Variants in SUPT3H observed in about 807,000 individuals in gnomAD.
SUPT3H encodes the protein transcription initiation protein SPT3 homolog.
In SUPT3H, 44 loss-of-function variants were observed where a neutral mutation model predicts 44.3. The observed-to-expected ratio is 0.99, with a 90% CI of 0.78 to 1.28. SUPT3H has a LOEUF of 1.28. SUPT3H is among the 50% of genes most tolerant of loss of function. The pLI, the probability that SUPT3H is intolerant of heterozygous loss-of-function variation, is 0.00. For missense variants in SUPT3H, 380 were observed against 387.1 expected (o/e 0.98, Z 0.15); for synonymous variants, 124 against 125.6 (o/e 0.99, Z 0.09).
chr6:44,984,683 A>T (rs1779537190), intron 6 of SUPT3H, among the ~76,000 whole-genome samples: 1 of 152,160 alleles, frequency 6.6e-6, no homozygotes, highest in African/African-American at 2.4e-5. Flanking sequence ...ACTTTGCTTC[A>T]GCATCCTGAC....
chr6:45,018,255 A>G (rs1171923054), intron 4 of SUPT3H, among the ~76,000 whole-genome samples: 3 of 152,242 alleles, frequency 2.0e-5, no homozygotes, highest in African/African-American at 4.8e-5. Context: ...GGCTGAGACG[A>G]TGGGGTTTTC....
At chr6:45,065,791 C>T (rs1048799998) in intron 3 of SUPT3H, among the ~76,000 whole-genome samples, 1 of 151,746 alleles carries the variant, frequency 6.6e-6, no homozygotes, top group Admixed American at 6.6e-5. Flanking sequence ...AGACCAATAA[C>T]AGGAGCTGAA....
chr6:45,014,935 T>C (rs1450107007), intron 4 of SUPT3H, 44 bp from the exon 5 acceptor site: 6 of 1,231,416 alleles, frequency 4.9e-6, no homozygotes, highest in Non-Finnish European at 6.6e-6. Context: ...CCTATACATA[T>C]ATTCACTTTA....
intron 3 of SUPT3H, among the ~76,000 whole-genome samples, chr6:45,066,347 C>T (rs943126819): frequency 4.2e-5 from 6 of 144,358 alleles, no homozygotes; most frequent in African/African-American, 1.5e-4. Context: ...AAACCCACAG[C>T]CAATATCATA....
chr6:45,264,986 A>C lies in SUPT3H; in HGVS notation c.101+100215T>G, dbSNP rs534983217. 3.3e-5 allele frequency among the ~76,000 whole-genome samples: 5 copies of C among 152,316 alleles called. No homozygotes were observed. In the East Asian group the frequency reaches 9.6e-4, roughly 29 times the overall value. On this transcript the variant is annotated intron_variant, in intron 2 of 10. Transcript: ENST00000371459. ...GAAAAAAATCACTTTAATGAGATTA[A>C]TTTGAACTGAAATTTCCCCTATGAA...
chr6:45,170,521 G>A (rs1337617404), intron 2 of SUPT3H, among the ~76,000 whole-genome samples: 3 of 152,286 alleles, frequency 2.0e-5, no homozygotes, highest in Middle Eastern at 3.4e-3. Context: ...TCAGTTCAGC[G>A]AAATTCTGTT....
At chr6:45,014,441 G>A (rs1783944483) in intron 5 of SUPT3H, among the ~76,000 whole-genome samples, 1 of 152,060 alleles carries the variant, frequency 6.6e-6, no homozygotes, top group South Asian at 2.1e-4. Context: ...CCACATAAAT[G>A]AGGAAACTGA....
chr6:45,326,422 G>A (rs999250246), intron 2 of SUPT3H, among the ~76,000 whole-genome samples: 7 of 151,676 alleles, frequency 4.6e-5, no homozygotes, highest in African/African-American at 1.7e-4. Context: ...ATATGGATAC[G>A]ACTTATTTAT....
Position 44,964,277 on chromosome 6 carries a change from T to C in SUPT3H, c.505-2449A>G, listed in dbSNP as rs558779125. ...AATGAAACTAGATCGAGAATGATTA[T>C]CTAATGATTCCTACATACCATCTCT... On this transcript the variant is annotated intron_variant, in intron 6 of 10. Coordinates refer to ENST00000371459, the MANE Select transcript of SUPT3H (RefSeq NM_003599.4). Among the ~76,000 whole-genome samples, 16 of 152,218 alleles carry C rather than the reference T, an allele frequency of 1.1e-4. No individual in the cohort carries two copies. The South Asian group carries it at 3.3e-3, about 31-fold the overall frequency.
At chr6:44,948,149 A>G (rs1773648687) in intron 9 of SUPT3H, among the ~76,000 whole-genome samples, 1 of 152,144 alleles carries the variant, frequency 6.6e-6, no homozygotes, top group Non-Finnish European at 1.5e-5. Flanking sequence ...GTTCTGTTCC[A>G]TTGGTGTATA....
chr6:44,995,444 C>T (rs1455274823), intron 6 of SUPT3H, among the ~76,000 whole-genome samples: 1 of 151,994 alleles, frequency 6.6e-6, no homozygotes, highest in African/African-American at 2.4e-5. Context: ...GCATAAGAAA[C>T]AACTGCTTAC....
chr6:44,836,126 T>C (rs1302932562), intron 10 of SUPT3H, among the ~76,000 whole-genome samples: 3 of 152,158 alleles, frequency 2.0e-5, no homozygotes, highest in Non-Finnish European at 2.9e-5. Flanking sequence ...TAAAGCCAAA[T>C]GGTGGTCTAA....
chr6:45,244,319 G>A (rs1288506611), intron 2 of SUPT3H, among the ~76,000 whole-genome samples: 1 of 152,146 alleles, frequency 6.6e-6, no homozygotes, highest in Non-Finnish European at 1.5e-5. Context: ...AACATTTCAA[G>A]CAACCAAGGG....
At chr6:44,928,906 A>AAAAAAAAAAAAAAAAG (rs1770058110) in intron 10 of SUPT3H, among the ~76,000 whole-genome samples, 1 of 58,532 alleles carries the variant, frequency 1.7e-5, no homozygotes, top group South Asian at 7.0e-4. Flanking sequence ...AAAAAAAAAG[A>AAAAAAAAAAAAAAAAG]AAAGAAAAGA....
At chr6:44,847,830 T>A (rs1385305057) in intron 10 of SUPT3H, among the ~76,000 whole-genome samples, 1 of 152,084 alleles carries the variant, frequency 6.6e-6, no homozygotes, top group African/African-American at 2.4e-5. Flanking sequence ...CTTCTCCTGC[T>A]CTTGTCACTG....
At chr6:44,820,875 G>C (rs1468624483) in intron 11 of SUPT3H, among the ~76,000 whole-genome samples, 1 of 152,202 alleles carries the variant, frequency 6.6e-6, no homozygotes, top group Admixed American at 6.5e-5. Context: ...TTTTGAGACA[G>C]GGTCTGGCTG....
At chr6:45,170,057 T>C (rs559248994) in intron 2 of SUPT3H, among the ~76,000 whole-genome samples, 1 of 152,298 alleles carries the variant, frequency 6.6e-6, no homozygotes, top group Admixed American at 6.5e-5. Context: ...CACTTCTCTC[T>C]TTCAACACAG....
At chr6:45,079,123 T>C (rs957718710) in intron 3 of SUPT3H, among the ~76,000 whole-genome samples, 6 of 151,984 alleles carry the variant, frequency 3.9e-5, no homozygotes, top group Non-Finnish European at 2.9e-5. Context: ...ATCTGGCTAA[T>C]ATAGTGAAAC....
At chr6:44,848,504 A>C (rs1197151854) in intron 10 of SUPT3H, among the ~76,000 whole-genome samples, 1 of 152,322 alleles carries the variant, frequency 6.6e-6, no homozygotes, top group Non-Finnish European at 1.5e-5. Context: ...TGTCAGGTTC[A>C]TTCCTAGTTT....
Sources: gnomAD v4.1 joint callset for allele counts (sites outside exome capture counted in the v4.1 genomes callset) on GRCh38, gnomAD v4.1.1 for gene constraint, MANE v1.5 for transcripts, NCBI Gene and HGNC (gene_info 2026-07-23, HGNC 2026-07-21) for gene names.